GMDS: variants seen among roughly 807,000 people sequenced by gnomAD.
GMDS encodes the protein GDP-mannose 4,6-dehydratase, also known as GDP-mannose 4,6 dehydratase.
GMDS carries 20 observed loss-of-function variants against 49.9 expected under a neutral mutation model. That is an observed-to-expected ratio of 0.40 (90% CI 0.28 to 0.58). The LOEUF (loss-of-function observed/expected upper bound fraction) is 0.58, where lower values mean the gene tolerates loss of function less well. Among genes scored for constraint, GMDS ranks in the 20% least tolerant of loss-of-function variants. The pLI, the probability that GMDS is intolerant of heterozygous loss-of-function variation, is 0.42. For synonymous variants in GMDS, 177 were observed against 178.6 expected, an observed-to-expected ratio of 0.99 and a Z score of 0.07; for missense variants, 362 against 481.4, an observed-to-expected ratio of 0.75 and a Z score of 2.32.
intron 9 of GMDS, among the ~76,000 whole-genome samples, chr6:1,722,246 G>T (rs4959152): frequency 0.95 from 137,751 of 145,338 alleles, 65,361 homozygotes; most frequent in East Asian, 1. Flanking sequence ...ATTATTATTA[G>T]TAGTAGTAGT....
At chr6:2,223,354 G>A (rs931664745) in intron 1 of GMDS, among the ~76,000 whole-genome samples, 1 of 151,936 alleles carries the variant, frequency 6.6e-6, no homozygotes, top group Non-Finnish European at 1.5e-5. Context: ...GGACACTGGA[G>A]AGTTTACACT....
intron 7 of GMDS, among the ~76,000 whole-genome samples, chr6:1,842,698 T>C (rs1453453232): frequency 6.6e-6 from 1 of 152,174 alleles, no homozygotes; most frequent in African/African-American, 2.4e-5. Flanking sequence ...TGATTCAAAT[T>C]TTCTGTTACT....
chr6:1,626,486 A>G (rs922175728), intron 9 of GMDS, among the ~76,000 whole-genome samples: 2 of 152,220 alleles, frequency 1.3e-5, no homozygotes, highest in Non-Finnish European at 2.9e-5. Flanking sequence ...ACTTGTATAT[A>G]TTTCTACAGG....
intron 1 of GMDS, among the ~76,000 whole-genome samples, chr6:2,229,432 A>G (rs1480400003): frequency 1.4e-5 from 2 of 147,876 alleles, no homozygotes; most frequent in Non-Finnish European, 1.5e-5. Flanking sequence ...AAAAAAATAC[A>G]AAAATGAGTC....
chr6:2,220,567 G>C (rs1410924953), intron 1 of GMDS, among the ~76,000 whole-genome samples: 3 of 152,190 alleles, frequency 2.0e-5, no homozygotes, highest in African/African-American at 7.2e-5. Flanking sequence ...GGCTCAGATA[G>C]AGTCACCTTC....
intron 7 of GMDS, among the ~76,000 whole-genome samples, chr6:1,904,819 C>T (rs1760674997): frequency 6.6e-6 from 1 of 152,196 alleles, no homozygotes; most frequent in Admixed American, 6.5e-5. Context: ...AAGCCCTGTT[C>T]CCTCCTTGGG....
At chr6:1,970,233 C>G (rs1261464674) in intron 4 of GMDS, among the ~76,000 whole-genome samples, 2 of 152,220 alleles carry the variant, frequency 1.3e-5, no homozygotes, top group Admixed American at 6.5e-5. Context: ...TACCAGTGAG[C>G]TGGAAATGCC....
chr6:1,733,591 C>T (rs56171917), intron 8 of GMDS, among the ~76,000 whole-genome samples: 5 of 152,176 alleles, frequency 3.3e-5, no homozygotes, highest in African/African-American at 7.2e-5. Context: ...CCGAGGCAGG[C>T]GGATCACTTG....
intron 7 of GMDS, among the ~76,000 whole-genome samples, chr6:1,757,404 C>T (rs1190980242): frequency 6.6e-6 from 1 of 152,168 alleles, no homozygotes; most frequent in Admixed American, 6.5e-5. Context: ...CTGGGTAAGC[C>T]ATTCTAGAAT....
chr6:2,065,472 G>A (rs942711689), intron 4 of GMDS, among the ~76,000 whole-genome samples: 2 of 152,166 alleles, frequency 1.3e-5, no homozygotes, highest in Non-Finnish European at 2.9e-5. Context: ...AAATTACTCC[G>A]AGTTACAAGA....
intron 2 of GMDS, among the ~76,000 whole-genome samples, chr6:2,123,926 G>T (rs1306076006): frequency 6.6e-6 from 1 of 151,782 alleles, no homozygotes; most frequent in Non-Finnish European, 1.5e-5. Flanking sequence ...GTTTCCATTT[G>T]CCCCAATTAC....
chr6:1,676,403 G>T (rs1561719926), intron 9 of GMDS, among the ~76,000 whole-genome samples: 1 of 152,138 alleles, frequency 6.6e-6, no homozygotes, highest in Non-Finnish European at 1.5e-5. Flanking sequence ...AGCTACCAAT[G>T]ACTTTCTTCA....
chr6:2,190,995 T>C (rs1375646982), intron 1 of GMDS, among the ~76,000 whole-genome samples: 1 of 151,884 alleles, frequency 6.6e-6, no homozygotes, highest in Non-Finnish European at 1.5e-5. Context: ...CCACAACTGC[T>C]GCGGGGAGGG....
chr6:2,091,094 CATA>C (rs1403336846), intron 4 of GMDS, among the ~76,000 whole-genome samples: 2 of 152,134 alleles, frequency 1.3e-5, no homozygotes, highest in African/African-American at 2.4e-5. Context: ...TGGAAGACTT[CATA>C]ATGTTTAGTT....
intron 1 of GMDS, among the ~76,000 whole-genome samples, chr6:2,238,645 C>T (rs554617141): frequency 1.3e-5 from 2 of 152,206 alleles, no homozygotes; most frequent in African/African-American, 4.8e-5. Flanking sequence ...AGTGATAGGC[C>T]TTATTATAAT....
At chr6:1,805,552 T>C (rs1175416131) in intron 7 of GMDS, among the ~76,000 whole-genome samples, 1 of 152,200 alleles carries the variant, frequency 6.6e-6, no homozygotes, top group African/African-American at 2.4e-5. Context: ...CCATACTTCT[T>C]TGGCATCCAC....
At chr6:2,221,887 G>A (rs1206062061) in intron 1 of GMDS, among the ~76,000 whole-genome samples, 1 of 152,048 alleles carries the variant, frequency 6.6e-6, no homozygotes, top group Non-Finnish European at 1.5e-5. Flanking sequence ...GCCCACAGGG[G>A]CAACAGGAAA....
intron 7 of GMDS, among the ~76,000 whole-genome samples, chr6:1,874,501 T>C (rs1346956380): frequency 2.0e-5 from 3 of 152,148 alleles, no homozygotes; most frequent in Non-Finnish European, 2.9e-5. Context: ...TAACATTAAT[T>C]AATCCTAGTT....
chr6:2,039,875 G>A (rs1470833042), intron 4 of GMDS, among the ~76,000 whole-genome samples: 1 of 152,162 alleles, frequency 6.6e-6, no homozygotes, highest in African/African-American at 2.4e-5. Flanking sequence ...TAAACTAGTA[G>A]TATAGTCATT....
Sources: gnomAD v4.1 joint callset for allele counts (sites outside exome capture counted in the v4.1 genomes callset) on GRCh38, gnomAD v4.1.1 for gene constraint, MANE v1.5 for transcripts, NCBI Gene and HGNC (gene_info 2026-07-23, HGNC 2026-07-21) for gene names.